GPC5: variants seen among roughly 807,000 people sequenced by gnomAD.
The protein encoded by GPC5 is glypican 5, also known as glypican-5.
In GPC5, 47 loss-of-function variants were observed where a neutral mutation model predicts 53.9. That is an observed-to-expected ratio of 0.87 (90% confidence interval 0.69 to 1.11). The LOEUF (loss-of-function observed/expected upper bound fraction) is 1.11. Among genes scored for constraint, GPC5 ranks in the 50% most tolerant of loss-of-function variants. The pLI is 0.00. For synonymous variants in GPC5, 286 were observed against 263.3 expected (o/e 1.09, Z -0.84); for missense variants, 748 against 713.1 (o/e 1.05, Z -0.56).
intron 7 of GPC5, among the ~76,000 whole-genome samples, chr13:92,181,352 T>C (rs1245447683): frequency 1.3e-5 from 2 of 151,784 alleles, no homozygotes; most frequent in Non-Finnish European, 2.9e-5. Context: ...TCTCAGAATG[T>C]AGTTTGTGTT....
intron 6 of GPC5, among the ~76,000 whole-genome samples, chr13:92,109,988 A>G (rs897458294): frequency 3.3e-5 from 5 of 152,222 alleles, no homozygotes; most frequent in Admixed American, 6.5e-5. Flanking sequence ...AATGATAAAT[A>G]TAATATATCC....
chr13:91,996,512 G>A (rs2040505250), intron 6 of GPC5: 1 of 152,186 alleles, frequency 6.6e-6, no homozygotes, highest in Non-Finnish European at 1.5e-5. Context: ...ACAGAAGTAA[G>A]TTTTTAAAAG....
At chr13:92,633,177 G>A (rs1401803001) in intron 7 of GPC5, among the ~76,000 whole-genome samples, 5 of 152,154 alleles carry the variant, frequency 3.3e-5, no homozygotes, top group Non-Finnish European at 5.9e-5. Flanking sequence ...ACAGGCGTGA[G>A]CCACCACGCC....
chr13:91,776,785 G>A (rs1437496138), intron 5 of GPC5, among the ~76,000 whole-genome samples: 1 of 152,166 alleles, frequency 6.6e-6, no homozygotes, highest in East Asian at 1.9e-4. Flanking sequence ...TACACTGTAA[G>A]TATGAATATT....
At chr13:91,483,577 G>A (rs1277861246) in intron 2 of GPC5, among the ~76,000 whole-genome samples, 3 of 152,138 alleles carry the variant, frequency 2.0e-5, no homozygotes, top group African/African-American at 7.2e-5. Context: ...TTTCTGCTGG[G>A]ATTGGGGTTT....
intron 7 of GPC5, among the ~76,000 whole-genome samples, chr13:92,522,195 C>A (rs1309105966): frequency 3.3e-5 from 5 of 152,020 alleles, no homozygotes; most frequent in Non-Finnish European, 7.4e-5. Flanking sequence ...TCAACCATTG[C>A]GGAAGACAGT....
intron 6 of GPC5, among the ~76,000 whole-genome samples, chr13:92,052,836 G>A (rs1325505569): frequency 6.6e-6 from 1 of 152,016 alleles, no homozygotes; most frequent in Non-Finnish European, 1.5e-5. Flanking sequence ...CACCCCAAAG[G>A]GACACAGATG....
intron 7 of GPC5, among the ~76,000 whole-genome samples, chr13:92,747,209 A>G (rs1489368046): frequency 2.0e-5 from 3 of 152,178 alleles, no homozygotes; most frequent in African/African-American, 7.2e-5. Flanking sequence ...AATTGGCCTA[A>G]CGGTTATTTG....
At chr13:91,945,000 T>C (rs1391109337) in intron 6 of GPC5, among the ~76,000 whole-genome samples, 9 of 152,240 alleles carry the variant, frequency 5.9e-5, no homozygotes, top group Non-Finnish European at 2.9e-5. Flanking sequence ...AATTTCTTAA[T>C]CTTTAAAGTC....
At chr13:92,471,628 A>T (rs1878914352) in intron 7 of GPC5, among the ~76,000 whole-genome samples, 1 of 152,138 alleles carries the variant, frequency 6.6e-6, no homozygotes, top group South Asian at 2.1e-4. Flanking sequence ...AAATACACAT[A>T]TACATATATA....
intron 6 of GPC5, among the ~76,000 whole-genome samples, chr13:92,051,236 T>C: frequency 7.5e-6 from 1 of 134,160 alleles, no homozygotes. Context: ...GGAGTCTCGC[T>C]CTGTCACCAG....
intron 6 of GPC5, among the ~76,000 whole-genome samples, chr13:92,100,292 A>T (rs2041455272): frequency 6.6e-6 from 1 of 152,072 alleles, no homozygotes; most frequent in Non-Finnish European, 1.5e-5. Flanking sequence ...AATCCCAGCT[A>T]TTTGAGAGGC....
intron 5 of GPC5, among the ~76,000 whole-genome samples, chr13:91,835,086 A>G (rs2138861913): frequency 6.6e-6 from 1 of 152,352 alleles, no homozygotes. Flanking sequence ...GAAGGATATG[A>G]ACAGACACTT....
chr13:92,675,778 T>C (rs568755271), intron 7 of GPC5, among the ~76,000 whole-genome samples: 17 of 152,212 alleles, frequency 1.1e-4, no homozygotes, highest in African/African-American at 3.6e-4. Flanking sequence ...CAAAAACATA[T>C]GTAATATTCA....
At chr13:92,110,648 T>C (rs984574957) in intron 6 of GPC5, among the ~76,000 whole-genome samples, 1 of 152,216 alleles carries the variant, frequency 6.6e-6, no homozygotes, top group Non-Finnish European at 1.5e-5. Flanking sequence ...TCTGTGTTAA[T>C]TGGAACCAAG....
At chr13:92,016,308 A>C (rs72633786) in intron 6 of GPC5, among the ~76,000 whole-genome samples, 9,561 of 152,276 alleles carry the variant, frequency 0.063, 866 homozygotes, top group African/African-American at 0.2. Flanking sequence ...TATTATTTAT[A>C]CATTGTTTTA....
intron 7 of GPC5, among the ~76,000 whole-genome samples, chr13:92,733,163 A>T (rs547224382): frequency 6.6e-6 from 1 of 151,860 alleles, no homozygotes; most frequent in Non-Finnish European, 1.5e-5. Context: ...ACTGCAGCAG[A>T]TGTTATTTAT....
At chr13:91,454,601 C>T (rs1881407701) in intron 2 of GPC5, among the ~76,000 whole-genome samples, 1 of 151,970 alleles carries the variant, frequency 6.6e-6, no homozygotes, top group Non-Finnish European at 1.5e-5. Context: ...ATTTTTGAAA[C>T]TCAGAGCAGA....
chr13:92,616,087 C>G (rs1051453891), intron 7 of GPC5, among the ~76,000 whole-genome samples: 3 of 152,020 alleles, frequency 2.0e-5, no homozygotes, highest in Non-Finnish European at 4.4e-5. Context: ...CAAAAAACTT[C>G]CCCTACCAAC....
Sources: gnomAD v4.1 joint callset for allele counts (sites outside exome capture counted in the v4.1 genomes callset) on GRCh38, gnomAD v4.1.1 for gene constraint, MANE v1.5 for transcripts, NCBI Gene and HGNC (gene_info 2026-07-23, HGNC 2026-07-21) for gene names.